The following ABTB3 variants were observed in gnomAD, a reference collection of about 807,000 sequenced individuals.
The protein encoded by ABTB3 is ankyrin repeat and BTB domain containing 3, also known as ankyrin repeat- and BTB/POZ domain-containing protein 3.
the ABTB3 span, among the ~76,000 whole-genome samples, chr12:107,645,262 T>C: frequency 6.6e-6 from 1 of 152,194 alleles, no homozygotes; most frequent in Non-Finnish European, 1.5e-5. Context: ...CCACTGCGTC[T>C]GGCCCAGAAT....
At chr12:107,654,819 C>T in the ABTB3 span, among the ~76,000 whole-genome samples, 9 of 98,190 alleles carry the variant, frequency 9.2e-5, no homozygotes, top group East Asian at 1.6e-3. Flanking sequence ...ATTGTATACA[C>T]ACACACACAC....
At chr12:107,475,352 G>A in the ABTB3 span, among the ~76,000 whole-genome samples, 1 of 152,192 alleles carries the variant, frequency 6.6e-6, no homozygotes, top group South Asian at 2.1e-4. Context: ...GATTACCAAA[G>A]AGGTAACGGG....
the ABTB3 span, among the ~76,000 whole-genome samples, chr12:107,417,282 T>C: frequency 1.3e-5 from 2 of 152,142 alleles, no homozygotes; most frequent in East Asian, 3.9e-4. Context: ...CATAACAAAA[T>C]ACCACAAACT....
the ABTB3 span, among the ~76,000 whole-genome samples, chr12:107,334,218 T>G: frequency 1.3e-5 from 2 of 152,156 alleles, no homozygotes; most frequent in East Asian, 1.9e-4. Context: ...TGGTTGAAGA[T>G]GGACTCCAGA....
At chr12:107,538,931 C>G in the ABTB3 span, among the ~76,000 whole-genome samples, 1 of 152,196 alleles carries the variant, frequency 6.6e-6, no homozygotes, top group Non-Finnish European at 1.5e-5. Context: ...ACACTCAAAA[C>G]TGGGTTCTAG....
At chr12:107,528,968 CAG>C in the ABTB3 span, among the ~76,000 whole-genome samples, 74 of 135,424 alleles carry the variant, frequency 5.5e-4, no homozygotes, top group African/African-American at 1.5e-3. Flanking sequence ...GTGATGGTGA[CAG>C]AGATGATTTT....
At chr12:107,481,883 G>GTCTCTCTCTCTCTCTCCCTC in the ABTB3 span, among the ~76,000 whole-genome samples, 9 of 108,242 alleles carry the variant, frequency 8.3e-5, no homozygotes, top group African/African-American at 1.5e-4. Flanking sequence ...GAAATCAAGA[G>GTCTCTCTCTCTCTCTCCCTC]TCTCTCTCTC....
the ABTB3 span, among the ~76,000 whole-genome samples, chr12:107,473,645 A>G: frequency 5.7e-4 from 87 of 151,734 alleles, no homozygotes; most frequent in African/African-American, 1.9e-3. Context: ...AACTTCCCCT[A>G]AATGGACTGA....
chr12:107,474,015 C>T, the ABTB3 span, among the ~76,000 whole-genome samples: 1 of 152,164 alleles, frequency 6.6e-6, no homozygotes, highest in Non-Finnish European at 1.5e-5. Context: ...AACTCCTGAC[C>T]TCAGGTGATC....
the ABTB3 span, among the ~76,000 whole-genome samples, chr12:107,359,417 C>T: frequency 6.6e-6 from 1 of 152,214 alleles, no homozygotes; most frequent in Non-Finnish European, 1.5e-5. Context: ...CCTCCAGGCT[C>T]AGGGCTCTGG....
At chr12:107,388,258 C>T in the ABTB3 span, among the ~76,000 whole-genome samples, 3 of 152,196 alleles carry the variant, frequency 2.0e-5, no homozygotes, top group South Asian at 6.2e-4. Flanking sequence ...AGGCATGAGC[C>T]ACCGCACCCG....
the ABTB3 span, among the ~76,000 whole-genome samples, chr12:107,408,359 A>C: frequency 6.6e-6 from 1 of 152,204 alleles, no homozygotes; most frequent in Non-Finnish European, 1.5e-5. Context: ...CAAGACCAGC[A>C]TTGACATTTC....
At chr12:107,637,281 A>G in the ABTB3 span, among the ~76,000 whole-genome samples, 1 of 152,098 alleles carries the variant, frequency 6.6e-6, no homozygotes, top group East Asian at 1.9e-4. Flanking sequence ...AGTCCCAGCT[A>G]CTCAGGAGGC....
the ABTB3 span, among the ~76,000 whole-genome samples, chr12:107,355,668 A>G: frequency 6.6e-6 from 1 of 152,224 alleles, no homozygotes; most frequent in Non-Finnish European, 1.5e-5. Context: ...TTTATTATAT[A>G]TATCAGAACC....
chr12:107,367,829 C>CT, the ABTB3 span, among the ~76,000 whole-genome samples: 1 of 152,142 alleles, frequency 6.6e-6, no homozygotes, highest in African/African-American at 2.4e-5. Context: ...TAGTTCTTCA[C>CT]TTTTTTGTCT....
At chr12:107,520,251 A>G in the ABTB3 span, 1 of 985,452 alleles carries the variant, frequency 1.0e-6, no homozygotes, top group African/African-American at 1.7e-5. Context: ...GTGTATGTAC[A>G]GACGAATGCC....
chr12:107,459,930 T>C, the ABTB3 span, among the ~76,000 whole-genome samples: 2 of 152,092 alleles, frequency 1.3e-5, no homozygotes, highest in Non-Finnish European at 2.9e-5. Flanking sequence ...TCTCAGTGAC[T>C]CTAAAGCAGC....
the ABTB3 span, chr12:107,520,336 G>A: frequency 6.9e-7 from 1 of 1,456,634 alleles, no homozygotes; most frequent in South Asian, 1.4e-5. Flanking sequence ...TTTCTAAAAG[G>A]AGTCCAGAGC....
the ABTB3 span, among the ~76,000 whole-genome samples, chr12:107,499,571 A>T: frequency 7.2e-5 from 11 of 151,864 alleles, no homozygotes; most frequent in African/African-American, 2.7e-4. Context: ...TGTTTAATTG[A>T]CTCACAGTTT....
Sources: allele counts gnomAD v4.1 joint callset (sites outside exome capture counted in the v4.1 genomes callset), GRCh38; gene constraint gnomAD v4.1.1; transcripts MANE v1.5; gene names NCBI Gene and HGNC (gene_info 2026-07-23, HGNC 2026-07-21).